PRKAG2: variants seen among roughly 807,000 people sequenced by gnomAD.
PRKAG2 encodes 5'-AMP-activated protein kinase subunit gamma-2.
Under a neutral mutation model 69.6 loss-of-function variants are expected in PRKAG2, and 26 were observed. The ratio of observed to expected loss-of-function variants is 0.37; its 90% confidence interval spans 0.27 to 0.52. PRKAG2 has a LOEUF of 0.52. Ranked by LOEUF, PRKAG2 falls within the 20% of genes least tolerant of loss-of-function variation. The pLI is 0.90. For missense variants in PRKAG2, 557 were observed against 740.0 expected (o/e 0.75, Z 2.87); for synonymous variants, 293 against 285.0 (o/e 1.03, Z -0.28).
At chr7:151,849,191 G>A (rs376064752) in intron 1 of PRKAG2, among the ~76,000 whole-genome samples, 156 of 152,380 alleles carry the variant, frequency 1.0e-3, no homozygotes, top group African/African-American at 3.4e-3. Flanking sequence ...CTGGCAGGCC[G>A]CAGGCCCTGA....
chr7:151,591,232 A>C (rs1813053519), intron 6 of PRKAG2, among the ~76,000 whole-genome samples: 1 of 152,182 alleles, frequency 6.6e-6, no homozygotes, highest in Admixed American at 6.5e-5. Context: ...TCTCTATACC[A>C]ATCTACAAGG....
chr7:151,578,246 G>A (rs563610198), intron 6 of PRKAG2, among the ~76,000 whole-genome samples: 1 of 152,218 alleles, frequency 6.6e-6, no homozygotes, highest in Non-Finnish European at 1.5e-5. Context: ...TCAGGAGGCT[G>A]AGGCACAAGA....
intron 4 of PRKAG2, among the ~76,000 whole-genome samples, chr7:151,653,618 G>A (rs1035120505): frequency 6.6e-6 from 1 of 152,156 alleles, no homozygotes. Context: ...GAGGCGGGCC[G>A]ATCACCTGAG....
At chr7:151,716,039 C>T (rs894748718) in intron 3 of PRKAG2, among the ~76,000 whole-genome samples, 27 of 152,050 alleles carry the variant, frequency 1.8e-4, no homozygotes, top group Non-Finnish European at 3.7e-4. Context: ...GGATGGAGCT[C>T]GATTGCCCTT....
chr7:151,761,906 C>G (rs1446485106), intron 3 of PRKAG2, among the ~76,000 whole-genome samples: 1 of 152,214 alleles, frequency 6.6e-6, no homozygotes, highest in East Asian at 1.9e-4. Flanking sequence ...GGAAATTTAT[C>G]CCCGTGTGTC....
rs1222791634 is a variant in PRKAG2, at chr7:151,638,889, G to A, written c.685-6751C>T. Among the ~76,000 whole-genome samples the A allele has an allele frequency of 1.3e-5, 2 of 152,174 alleles. No individual in the cohort carries two copies. Among genetic ancestry groups the A allele is most frequent in the Non-Finnish European group, 2.9e-5 (2 of 68,026 alleles). On this transcript the variant is annotated intron_variant, in intron 4 of 15. Coordinates refer to ENST00000287878, the MANE Select transcript of PRKAG2 (RefSeq NM_016203.4). The surrounding 1 kb of genome is among the most constrained non-coding windows in gnomAD (Gnocchi z 4.3). ...GGGTAAGGAGCTCCTGAATAATTTA[G>A]CATACAGAACTCTTAGTTTCTGTGC...
intron 3 of PRKAG2, among the ~76,000 whole-genome samples, chr7:151,680,166 C>A (rs1040080743): frequency 8.5e-5 from 13 of 152,208 alleles, no homozygotes; most frequent in African/African-American, 3.1e-4. Flanking sequence ...ATCAAAACCA[C>A]AAACGCGCAT....
In PRKAG2 at chr7:151,836,590, G is replaced by T. The variant is rs538889688; in HGVS notation, c.114+39917C>A. The stretch of plus-strand genomic sequence containing the variant: ...TCCCAGTGTGAATTCCCCTCCGATG[G>T]GGTGTGGAGGCTGGGGTAGTCTCTA... On this transcript the variant is annotated intron_variant, in intron 1 of 15. Coordinates refer to ENST00000287878, the MANE Select transcript of PRKAG2 (RefSeq NM_016203.4). The surrounding 1 kb of genome is among the most constrained non-coding windows in gnomAD (Gnocchi z 4.1). Among the ~76,000 whole-genome samples, 3 of 152,326 alleles carry T rather than the reference G, an allele frequency of 2.0e-5. No individual in the cohort carries two copies. In the South Asian group the frequency reaches 6.2e-4, roughly 32 times the overall value.
intron 3 of PRKAG2, among the ~76,000 whole-genome samples, chr7:151,683,210 T>C (rs1209999322): frequency 6.6e-6 from 1 of 152,128 alleles, no homozygotes; most frequent in Non-Finnish European, 1.5e-5. Context: ...GGCTGGTGAC[T>C]TCACAGGGCC....
Position 151,655,700 on chromosome 7 carries a change from T to G in PRKAG2, c.684+19720A>C, listed in dbSNP as rs556443501. Among the ~76,000 whole-genome samples the G allele has an allele frequency of 1.1e-3, 160 of 152,340 alleles. 1 individual carries two copies. The highest frequency in any genetic ancestry group is 3.5e-3 in the African/African-American group (146 of 41,572). ...TGGGACTCATCTAAACACAGGGCCC[T>G]GTGTGCTGTGAAACATCCATGAAGC... On this transcript the variant is annotated intron_variant, in intron 4 of 15. Coordinates refer to ENST00000287878, the MANE Select transcript of PRKAG2 (RefSeq NM_016203.4).
chr7:151,716,222 G>T (rs533727095), intron 3 of PRKAG2, among the ~76,000 whole-genome samples: 1 of 152,328 alleles, frequency 6.6e-6, no homozygotes, highest in East Asian at 1.9e-4. Context: ...CAGATGTGGT[G>T]CTGAACCTGA....
At chr7:151,709,898 G>A (rs1251087388) in intron 3 of PRKAG2, among the ~76,000 whole-genome samples, 1 of 152,146 alleles carries the variant, frequency 6.6e-6, no homozygotes, top group East Asian at 1.9e-4. Context: ...ATGTGACAGT[G>A]ACAGTGACAT....
chr7:151,806,280 T>G (rs1335778142), intron 1 of PRKAG2, among the ~76,000 whole-genome samples: 1 of 152,156 alleles, frequency 6.6e-6, no homozygotes, highest in Non-Finnish European at 1.5e-5. Flanking sequence ...ACTCCTAAAT[T>G]GCTCAAGGGC....
At chr7:151,735,299 A>G (rs558429675) in intron 3 of PRKAG2, among the ~76,000 whole-genome samples, 21 of 152,280 alleles carry the variant, frequency 1.4e-4, no homozygotes, top group African/African-American at 5.1e-4. Context: ...CAGGTCCTTG[A>G]AAATACTGAA....
intron 1 of PRKAG2, among the ~76,000 whole-genome samples, chr7:151,865,831 A>G (rs542836720): frequency 2.6e-4 from 39 of 152,274 alleles, no homozygotes; most frequent in South Asian, 1.5e-3. Flanking sequence ...CATCCTGGCT[A>G]ACACGGTGAA....
At position 151,848,804 on chromosome 7, in the gene PRKAG2, C is replaced by T. The variant is rs189750657; in HGVS notation, c.114+27703G>A. On this transcript the variant is annotated intron_variant, in intron 1 of 15. Coordinates refer to ENST00000287878, the MANE Select transcript of PRKAG2 (RefSeq NM_016203.4). The stretch of plus-strand genomic sequence containing the variant: ...CCTCCCAAAGTGCTGGGATCACAGG[C>T]GTGAGCCACCGCACCCAGCCTACTG... Among the ~76,000 whole-genome samples, 349 of 152,176 alleles carry T rather than the reference C, an allele frequency of 2.3e-3. 1 individual carries two copies. The highest frequency in any genetic ancestry group is 8.0e-3 in the African/African-American group (333 of 41,550).
intron 6 of PRKAG2, among the ~76,000 whole-genome samples, chr7:151,581,060 A>G (rs1454901542): frequency 6.6e-6 from 1 of 152,212 alleles, no homozygotes. Flanking sequence ...CATGCACCCT[A>G]TAAGTATATA....
intron 3 of PRKAG2, among the ~76,000 whole-genome samples, chr7:151,705,883 TC>T (rs1300621962): frequency 6.6e-6 from 1 of 152,106 alleles, no homozygotes; most frequent in African/African-American, 2.4e-5. Context: ...TATTTGACAT[TC>T]CTACACATGT....
At chr7:151,660,248 G>A (rs898060031) in intron 4 of PRKAG2, among the ~76,000 whole-genome samples, 2 of 152,168 alleles carry the variant, frequency 1.3e-5, no homozygotes, top group Non-Finnish European at 2.9e-5. Context: ...GTCCAGGAAC[G>A]TGGACAGATC....
Sources: gnomAD v4.1 joint callset for allele counts (sites outside exome capture counted in the v4.1 genomes callset) on GRCh38, gnomAD v4.1.1 for gene constraint, Gnocchi (gnomAD v3.1) non-coding constraint, MANE v1.5 for transcripts, NCBI Gene and HGNC (gene_info 2026-07-23, HGNC 2026-07-21) for gene names.